TRAPPC9: variants seen among roughly 807,000 people sequenced by gnomAD.
TRAPPC9 encodes the protein trafficking protein particle complex subunit 9.
In TRAPPC9, 83 loss-of-function variants were observed where a neutral mutation model predicts 124.0. The ratio of observed to expected loss-of-function variants is 0.67; its 90% CI spans 0.56 to 0.80. The LOEUF (loss-of-function observed/expected upper bound fraction) is 0.80. Ranked by LOEUF, TRAPPC9 falls within the 30% of genes least tolerant of loss-of-function variation. The pLI is 0.00. For missense variants in TRAPPC9, 1,302 were observed against 1,508.3 expected (o/e 0.86, Z 2.27); for synonymous variants, 638 against 617.5 (o/e 1.03, Z -0.49).
chr8:140,166,968 C>G (rs552510911), intron 17 of TRAPPC9, among the ~76,000 whole-genome samples: 1 of 152,304 alleles, frequency 6.6e-6, no homozygotes, highest in South Asian at 2.1e-4. Context: ...CAGTGAGCAT[C>G]ATTGCTACTT....
In TRAPPC9 at chr8:139,963,953, G is replaced by A. The variant is rs539031829; in HGVS notation, c.2810+24773C>T. 3.5e-4 allele frequency among the ~76,000 whole-genome samples: 54 copies of A among 152,192 alleles called. 1 individual carries two copies. Among genetic ancestry groups the A allele is most frequent in the East Asian group, 2.7e-3 (14 of 5,168 alleles). On this transcript the variant is annotated intron_variant, in intron 19 of 22. Coordinates refer to ENST00000438773, the MANE Select transcript of TRAPPC9 (RefSeq NM_001160372.4). ...ATTATGTTTGTTTTTAGCCAGGCACGGTGGCTCACGCCTGTAATCCCAGCA... is the reference window on the plus strand; with the variant it reads ...ATTATGTTTGTTTTTAGCCAGGCACAGTGGCTCACGCCTGTAATCCCAGCA...
chr8:139,733,132 A>C (rs904990339), intron 21 of TRAPPC9, among the ~76,000 whole-genome samples: 1 of 152,150 alleles, frequency 6.6e-6, no homozygotes, highest in African/African-American at 2.4e-5. Context: ...ATTAAGTGAA[A>C]GGTCCCGATA....
intron 21 of TRAPPC9, among the ~76,000 whole-genome samples, chr8:139,864,628 A>T (rs113855235): frequency 3.0e-4 from 46 of 152,226 alleles, no homozygotes; most frequent in African/African-American, 1.1e-3. Flanking sequence ...ACAGTAGCAT[A>T]CCTGCTCCAC....
intron 13 of TRAPPC9, 129 bp downstream of exon 13, chr8:140,287,479 G>T: frequency 7.7e-7 from 1 of 1,300,346 alleles, no homozygotes. Context: ...TTCCCAAAGA[G>T]ACAAGGTCTT....
At chr8:139,755,046 G>C (rs1819603208) in intron 21 of TRAPPC9, among the ~76,000 whole-genome samples, 1 of 152,264 alleles carries the variant, frequency 6.6e-6, no homozygotes, top group African/African-American at 2.4e-5. Flanking sequence ...ACAGGACAGG[G>C]GTGATGAGAT....
rs1001954286 is a variant in TRAPPC9 at position 139,886,357 on chromosome 8, G to A, written c.2965-388C>T. 3.9e-5 allele frequency among the ~76,000 whole-genome samples: 6 copies of A among 152,290 alleles called. 1 individual carries two copies. The highest frequency in any genetic ancestry group is 4.1e-4 in the South Asian group (2 of 4,826). ...ACAACCCATGAGTTCTTTGACACGC[G>A]TCAGTTTCATGCTGGTTTCACGTCG... On this transcript the variant is annotated intron_variant, in intron 20 of 22. Coordinates refer to ENST00000438773, the MANE Select transcript of TRAPPC9 (RefSeq NM_001160372.4).
At chr8:140,390,831 C>A (rs1588269257) in intron 7 of TRAPPC9, among the ~76,000 whole-genome samples, 1 of 152,324 alleles carries the variant, frequency 6.6e-6, no homozygotes, top group East Asian at 1.9e-4. Flanking sequence ...CCTTCCCCAT[C>A]CAACAGTTTC....
intron 17 of TRAPPC9, among the ~76,000 whole-genome samples, chr8:140,183,978 AGGAG>A (rs2062289251): frequency 2.8e-5 from 1 of 35,974 alleles, no homozygotes. Context: ...GGGAGGAGGG[AGGAG>A]GGAGGAGGGA....
At chr8:140,040,435 C>A (rs1479689190) in intron 17 of TRAPPC9, 3 of 152,320 alleles carry the variant, frequency 2.0e-5, no homozygotes, top group East Asian at 3.9e-4. Context: ...CACTCAGTCG[C>A]CCAGGCTGGA....
chr8:140,386,117 G>A (rs2068748733), intron 7 of TRAPPC9, among the ~76,000 whole-genome samples: 1 of 152,064 alleles, frequency 6.6e-6, no homozygotes, highest in South Asian at 2.1e-4. Flanking sequence ...AAATTCAACA[G>A]CCCTTCATGC....
intron 7 of TRAPPC9, among the ~76,000 whole-genome samples, chr8:140,396,197 A>G (rs2069092460): frequency 7.3e-6 from 1 of 137,762 alleles, no homozygotes; most frequent in African/African-American, 2.8e-5. Context: ...ACAGGAGTGC[A>G]GTGGTGTGAT....
intron 17 of TRAPPC9, among the ~76,000 whole-genome samples, chr8:140,059,703 G>C (rs1489722682): frequency 6.6e-6 from 1 of 152,022 alleles, no homozygotes; most frequent in Non-Finnish European, 1.5e-5. Context: ...ATGCTCATTG[G>C]CCATCTATTT....
chr8:140,355,128 T>G (rs1020125047), intron 9 of TRAPPC9, among the ~76,000 whole-genome samples: 1 of 152,206 alleles, frequency 6.6e-6, no homozygotes, highest in Non-Finnish European at 1.5e-5. Context: ...TCCTGTCACC[T>G]AAAAACATAC....
intron 19 of TRAPPC9, among the ~76,000 whole-genome samples, chr8:139,957,411 T>C (rs1203086883): frequency 6.6e-6 from 1 of 152,160 alleles, no homozygotes; most frequent in Admixed American, 6.5e-5. Flanking sequence ...GAAGGGATGT[T>C]TGGCAGACAG....
intron 15 of TRAPPC9, among the ~76,000 whole-genome samples, chr8:140,264,611 GGA>G (rs142320121): frequency 0.1 from 13,575 of 133,268 alleles, 854 homozygotes; most frequent in Admixed American, 0.14. Flanking sequence ...GAGGGGGAAG[GGA>G]GAGAGAGAGA....
intron 2 of TRAPPC9, 138 bp downstream of exon 2, chr8:140,450,652 A>G: frequency 2.6e-6 from 2 of 758,620 alleles, no homozygotes; most frequent in Non-Finnish European, 4.4e-6. Context: ...GCACTCAAAC[A>G]GATTCTGACA....
chr8:140,315,340 C>A (rs2066415943), intron 9 of TRAPPC9, among the ~76,000 whole-genome samples: 1 of 149,254 alleles, frequency 6.7e-6, no homozygotes, highest in Non-Finnish European at 1.5e-5. Context: ...CAAAGACACA[C>A]TGATGCAAGA....
At chr8:140,030,635 A>G (rs1284638891) in intron 17 of TRAPPC9, among the ~76,000 whole-genome samples, 2 of 152,232 alleles carry the variant, frequency 1.3e-5, no homozygotes, top group Non-Finnish European at 2.9e-5. Flanking sequence ...GACCAAATAA[A>G]CAAATTGTAG....
At chr8:140,418,734 A>AT (rs2132503748) in intron 5 of TRAPPC9, among the ~76,000 whole-genome samples, 1 of 136,546 alleles carries the variant, frequency 7.3e-6, no homozygotes, top group Admixed American at 7.3e-5. Context: ...AGATAGATAG[A>AT]TAGATAGATA....
Sources: allele counts gnomAD v4.1 joint callset (sites outside exome capture counted in the v4.1 genomes callset), GRCh38; gene constraint gnomAD v4.1.1; transcripts MANE v1.5; gene names NCBI Gene and HGNC (gene_info 2026-07-23, HGNC 2026-07-21).